The following SEMA5A variants were observed in gnomAD, a reference collection of about 807,000 sequenced individuals.
The protein encoded by SEMA5A is semaphorin-5A.
Under a neutral mutation model 135.5 loss-of-function variants are expected in SEMA5A, and 55 were observed. That is an observed-to-expected ratio of 0.41 (90% CI 0.33 to 0.51). The LOEUF (loss-of-function observed/expected upper bound fraction) is 0.51, where lower values mean the gene tolerates loss of function less well. SEMA5A is among the 20% of genes least tolerant of loss of function. SEMA5A has a pLI of 0.37. For synonymous variants in SEMA5A, 580 were observed against 546.5 expected (o/e 1.06, Z -0.85); for missense variants, 1,290 against 1,419.9 (o/e 0.91, Z 1.47).
chr5:9,164,454 A>G (rs978522048), intron 11 of SEMA5A, among the ~76,000 whole-genome samples: 10 of 151,674 alleles, frequency 6.6e-5, no homozygotes, highest in Admixed American at 2.6e-4. Context: ...CGGAAGCATT[A>G]TAAATTATAT....
chr5:9,086,192 G>C (rs1247082024), intron 16 of SEMA5A, among the ~76,000 whole-genome samples: 8 of 152,180 alleles, frequency 5.3e-5, no homozygotes, highest in Non-Finnish European at 7.3e-5. Context: ...AGTTAATGCT[G>C]AAGTGTGTTA....
rs1738357329 is a variant in SEMA5A at position 9,545,743 on chromosome 5, G to A, written c.-334C>T. On this transcript the variant is annotated 5_prime_UTR_variant, in exon 1 of 23. Transcript: ENST00000382496. This position sits in a 1 kb window ranked among gnomAD's most constrained non-coding sequence, Gnocchi z 4.5. ...CCCTACTCGCTGAGTTCCAGAATGG[G>A]GGCACCGGCTTGGGGGCCACGAGCA... 6.6e-6 allele frequency: 1 copy of A among 152,408 alleles called. No individual in the cohort carries two copies. Among genetic ancestry groups the A allele is most frequent in the South Asian group, 2.1e-4 (1 of 4,832 alleles). The allele number at this position is 152,408 out of a possible 1,614,324, so 9.4% of individuals were successfully genotyped here.
rs754618119 is a variant in SEMA5A, at chr5:9,197,240, A to G, written c.996T>C (p.Ser332=). The change falls in exon 10 of 23, where the codon TCT becomes TCC. Residue 332 remains serine (S), a synonymous_variant. Transcript: ENST00000382496. ...AGTTTTCTTGGTACTTGAAGGGCCC[A>G]GAGAAGGCCTGCGCGATGGCGCTCA... is the stretch of plus-strand genomic sequence containing the variant. The part of the protein sequence containing the change: ...FNLSAIAQAF[S]GPFKYQENSR... 130 of 1,614,102 alleles carry G rather than the reference A, an allele frequency of 8.1e-5. No individual in the cohort carries two copies. Among genetic ancestry groups the G allele is most frequent in the Non-Finnish European group, 1.1e-4 (127 of 1,180,046 alleles).
intron 1 of SEMA5A, among the ~76,000 whole-genome samples, chr5:9,536,594 C>T (rs754033716): frequency 5.5e-5 from 8 of 146,306 alleles, no homozygotes; most frequent in South Asian, 4.3e-4. Context: ...GCCTGGAGAA[C>T]AGAACAAGAC....
chr5:9,463,544 A>C (rs1425964886), intron 1 of SEMA5A, among the ~76,000 whole-genome samples: 1 of 152,116 alleles, frequency 6.6e-6, no homozygotes, highest in African/African-American at 2.4e-5. Flanking sequence ...GTTGCTATAG[A>C]AATAAAGAAG....
intron 12 of SEMA5A, among the ~76,000 whole-genome samples, chr5:9,154,060 AAAAT>A (rs1379553341): frequency 7.4e-4 from 37 of 50,254 alleles, no homozygotes; most frequent in African/African-American, 1.0e-3. Flanking sequence ...AAAAAAAAAA[AAAAT>A]ATATATATAT....
At chr5:9,498,737 A>G (rs422556) in intron 1 of SEMA5A, 3 of 152,108 alleles carry the variant, frequency 2.0e-5, no homozygotes, top group Non-Finnish European at 4.4e-5. Context: ...ATAACCAACT[A>G]TGACCCAGTA....
At chr5:9,110,216 C>A (rs552085464) in intron 15 of SEMA5A, among the ~76,000 whole-genome samples, 6 of 152,292 alleles carry the variant, frequency 3.9e-5, no homozygotes, top group Non-Finnish European at 8.8e-5. Flanking sequence ...TATGAGAAAT[C>A]AGGAAACTTC....
At chr5:9,504,175 A>T (rs1407513899) in intron 1 of SEMA5A, among the ~76,000 whole-genome samples, 1 of 145,340 alleles carries the variant, frequency 6.9e-6, no homozygotes, top group Non-Finnish European at 1.5e-5. Context: ...AGGTCACGCC[A>T]CTCCACTCCA....
intron 5 of SEMA5A, among the ~76,000 whole-genome samples, chr5:9,287,052 G>A (rs1334270186): frequency 6.6e-6 from 1 of 152,192 alleles, no homozygotes; most frequent in African/African-American, 2.4e-5. Flanking sequence ...CTCCTGGGGT[G>A]GCCAGGAATG....
chr5:9,237,915 C>T (rs752846969), intron 5 of SEMA5A, 25 bp from the exon 6 acceptor site: 2 of 1,609,656 alleles, frequency 1.2e-6, no homozygotes, highest in South Asian at 1.1e-5. Flanking sequence ...AAAACAATAG[C>T]AGTCATGGTT....
At position 9,154,472 on chromosome 5, in the gene SEMA5A, C is replaced by A. The variant is rs774913242; in HGVS notation, c.1481+16G>T. ...CACACACACACCAGTGCATCCTGACCCCGGAGATGCCCTACCTGCGTGTGC... is the reference window on the plus strand; with the variant it reads ...CACACACACACCAGTGCATCCTGACACCGGAGATGCCCTACCTGCGTGTGC... On this transcript the variant is annotated intron_variant, in intron 12 of 22. Transcript: ENST00000382496. The A allele has an allele frequency of 7.4e-6, 12 of 1,610,970 alleles. No individual in the cohort carries two copies. In the African/African-American group the frequency reaches 1.2e-4, roughly 16 times the overall value.
intron 18 of SEMA5A, among the ~76,000 whole-genome samples, chr5:9,061,337 TA>T (rs886179677): frequency 6.6e-6 from 1 of 152,258 alleles, no homozygotes; most frequent in East Asian, 1.9e-4. Context: ...TCCTCATTAT[TA>T]AAAAACAATC....
chr5:9,147,011 G>A (rs2150242809), intron 12 of SEMA5A, among the ~76,000 whole-genome samples: 1 of 152,258 alleles, frequency 6.6e-6, no homozygotes, highest in Middle Eastern at 3.4e-3. Context: ...GAGACCACGT[G>A]GAGACCCTGC....
chr5:9,444,770 A>G (rs1758366737), intron 1 of SEMA5A, among the ~76,000 whole-genome samples: 1 of 152,166 alleles, frequency 6.6e-6, no homozygotes, highest in Non-Finnish European at 1.5e-5. Context: ...CTGAGAGCGG[A>G]GTTAGAAAGA....
At chr5:9,491,605 G>A (rs959725933) in intron 1 of SEMA5A, among the ~76,000 whole-genome samples, 4 of 152,180 alleles carry the variant, frequency 2.6e-5, no homozygotes, top group African/African-American at 9.6e-5. Context: ...CCTGATTAAA[G>A]TCAGGTTTAG....
chr5:9,337,633 C>T lies in SEMA5A; in HGVS notation c.224+80G>A, dbSNP rs1001133407. ...ATTATTCAGCATTCTTCAGTTTTGT[C>T]AGTGAAGGTCACATGTAACTGCACA... On this transcript the variant is annotated intron_variant, in intron 4 of 22. Transcript: ENST00000382496. The T allele has an allele frequency of 2.2e-4, 184 of 845,010 alleles. No individual in the cohort carries two copies. In the South Asian group the frequency reaches 2.8e-3, roughly 13 times the overall value. The allele number at this position is 845,010 out of a possible 1,614,324, so 52.3% of individuals were successfully genotyped here.
intron 1 of SEMA5A, among the ~76,000 whole-genome samples, chr5:9,525,435 C>A (rs189640671): frequency 3.1e-4 from 47 of 152,250 alleles, no homozygotes; most frequent in Admixed American, 3.1e-3. Context: ...TAAACTGGGA[C>A]TTGAGAAAGA....
intron 2 of SEMA5A, among the ~76,000 whole-genome samples, chr5:9,434,333 C>T (rs1409414203): frequency 1.3e-5 from 2 of 152,094 alleles, no homozygotes; most frequent in African/African-American, 2.4e-5. Context: ...CATTAAATGT[C>T]GTCTGTGATT....
Sources: gnomAD v4.1 joint callset for allele counts (sites outside exome capture counted in the v4.1 genomes callset) on GRCh38, gnomAD v4.1.1 for gene constraint, Gnocchi (gnomAD v3.1) non-coding constraint, MANE v1.5 for transcripts, NCBI Gene and HGNC (gene_info 2026-07-23, HGNC 2026-07-21) for gene names.